Variants in SFMBT2 observed in about 807,000 individuals in gnomAD.
The protein encoded by SFMBT2 is Scm like with four mbt domains 2.
Under a neutral mutation model 110.1 loss-of-function variants are expected in SFMBT2, and 38 were observed. The ratio of observed to expected loss-of-function variants is 0.35; its 90% confidence interval spans 0.27 to 0.45. The LOEUF (loss-of-function observed/expected upper bound fraction) is 0.45, where lower values mean the gene tolerates loss of function less well. Among genes scored for constraint, SFMBT2 ranks in the 20% least tolerant of loss-of-function variants. SFMBT2 has a pLI of 1.00. For synonymous variants in SFMBT2, 425 were observed against 425.4 expected (o/e 1.00, Z 0.01); for missense variants, 1,011 against 1,094.9 (o/e 0.92, Z 1.08).
At chr10:7,175,797 C>T (rs1370915584) in intron 17 of SFMBT2, among the ~76,000 whole-genome samples, 193 bp downstream of exon 17, 1 of 152,160 alleles carries the variant, frequency 6.6e-6, no homozygotes, top group Non-Finnish European at 1.5e-5. Flanking sequence ...TCATCCCATC[C>T]CCTCCGTATG....
At position 7,171,799 on chromosome 10, in the gene SFMBT2, T is replaced by G; in HGVS notation, c.2415+96A>C. 1 of 1,254,246 alleles carries G rather than the reference T, an allele frequency of 8.0e-7. No homozygotes were observed. The highest frequency in any genetic ancestry group is 1.0e-6 in the Non-Finnish European group (1 of 974,650). The allele number at this position is 1,254,246 out of a possible 1,614,324, so 77.7% of individuals were successfully genotyped here. A position where few individuals can be genotyped will look rare whatever the true frequency, so the allele number is the denominator to read the frequency against. On this transcript the variant is annotated intron_variant, in intron 19 of 20. Transcript: ENST00000397167. This position sits in a 1 kb window ranked among gnomAD's most constrained non-coding sequence, Gnocchi z 4.9. ...GAGCAGCTGCTGCTGTTGGAGGTAT[T>G]TTAAACAGGTTTCCCCACATCGTGG...
chr10:7,277,805 A>C (rs1253361625), intron 6 of SFMBT2, among the ~76,000 whole-genome samples: 1 of 152,254 alleles, frequency 6.6e-6, no homozygotes, highest in African/African-American at 2.4e-5. Context: ...AGGCTACTTC[A>C]GACAGACGCT....
intron 4 of SFMBT2, among the ~76,000 whole-genome samples, chr10:7,310,391 G>C (rs978867176): frequency 6.6e-6 from 1 of 152,184 alleles, no homozygotes; most frequent in Non-Finnish European, 1.5e-5. Context: ...AGTGCACCCC[G>C]TGCCCAAGGC....
chr10:7,371,223 A>C (rs2132058919), intron 2 of SFMBT2, among the ~76,000 whole-genome samples: 1 of 152,238 alleles, frequency 6.6e-6, no homozygotes, highest in East Asian at 1.9e-4. Flanking sequence ...TCCTGGGTTC[A>C]AGCAATTCTC....
chr10:7,212,626 A>G (rs928539204), intron 11 of SFMBT2, among the ~76,000 whole-genome samples: 5 of 152,194 alleles, frequency 3.3e-5, no homozygotes, highest in African/African-American at 7.2e-5. Context: ...CTTACACTCT[A>G]TCGATGTTCA....
At chr10:7,284,296 C>T (rs1402263355) in intron 5 of SFMBT2, 146 bp from the exon 6 acceptor site, 1 of 1,446,038 alleles carries the variant, frequency 6.9e-7, no homozygotes, top group Non-Finnish European at 9.1e-7. Context: ...CCATCCTTGC[C>T]CAGCCCATGC....
chr10:7,324,272 G>T (rs1003037135), intron 4 of SFMBT2, among the ~76,000 whole-genome samples: 1 of 152,166 alleles, frequency 6.6e-6, no homozygotes, highest in East Asian at 1.9e-4. Context: ...TTTCTAGTAT[G>T]TTTGTGGGAA....
At chr10:7,282,706 T>C (rs888190561) in intron 6 of SFMBT2, among the ~76,000 whole-genome samples, 1 of 152,164 alleles carries the variant, frequency 6.6e-6, no homozygotes, top group African/African-American at 2.4e-5. Flanking sequence ...CCAGGAAGTG[T>C]TTTCAATTAG....
At chr10:7,204,874 TAAA>T in intron 12 of SFMBT2, 1 of 695,780 alleles carries the variant, frequency 1.4e-6, no homozygotes, top group Non-Finnish European at 1.8e-6. Flanking sequence ...ACTCCATCTT[TAAA>T]AAAAAAAAAA....
intron 10 of SFMBT2, among the ~76,000 whole-genome samples, chr10:7,227,184 GA>G (rs1322742241): frequency 3.3e-5 from 5 of 152,204 alleles, no homozygotes; most frequent in Admixed American, 3.3e-4. Context: ...GGACATCAAA[GA>G]AAGTATTAAA....
At chr10:7,397,285 T>C (rs1845952384) in intron 1 of SFMBT2, among the ~76,000 whole-genome samples, 1 of 151,962 alleles carries the variant, frequency 6.6e-6, no homozygotes, top group Non-Finnish European at 1.5e-5. Flanking sequence ...TCCAAGAAAA[T>C]GGCATTTGTG....
intron 1 of SFMBT2, among the ~76,000 whole-genome samples, chr10:7,405,821 T>TCC (rs1846193864): frequency 9.1e-6 from 1 of 110,156 alleles, no homozygotes; most frequent in Non-Finnish European, 2.1e-5. Flanking sequence ...CTAGGCCCGA[T>TCC]TCCCCCCCCG....
At chr10:7,338,902 G>A (rs1843803328) in intron 4 of SFMBT2, among the ~76,000 whole-genome samples, 1 of 152,138 alleles carries the variant, frequency 6.6e-6, no homozygotes, top group Non-Finnish European at 1.5e-5. Flanking sequence ...AATGTCTGCT[G>A]TTCAGGTACA....
chr10:7,220,383 G>T, intron 11 of SFMBT2, 28 bp downstream of exon 11: 1 of 1,605,800 alleles, frequency 6.2e-7, no homozygotes, highest in Non-Finnish European at 8.5e-7. Context: ...ATTCCCCCCA[G>T]CGACTGCTAC....
At chr10:7,349,403 C>T (rs1001058435) in intron 4 of SFMBT2, among the ~76,000 whole-genome samples, 14 of 142,744 alleles carry the variant, frequency 9.8e-5, no homozygotes, top group Non-Finnish European at 2.0e-4. Flanking sequence ...TTTGGATCCT[C>T]TCACTTTCAA....
At chr10:7,196,199 G>A (rs1487302777) in intron 15 of SFMBT2, among the ~76,000 whole-genome samples, 1 of 152,074 alleles carries the variant, frequency 6.6e-6, no homozygotes, top group East Asian at 1.9e-4. Flanking sequence ...ATCAGAGAAG[G>A]CCTTTCACAA....
chr10:7,277,961 C>T (rs1841835475), intron 6 of SFMBT2, among the ~76,000 whole-genome samples: 1 of 152,198 alleles, frequency 6.6e-6, no homozygotes, highest in African/African-American at 2.4e-5. Context: ...GAGCTTTAAG[C>T]CCCTGTTTCC....
Position 7,234,773 on chromosome 10 carries a change from G to C in SFMBT2, c.1121-6836C>G, listed in dbSNP as rs111622543. Among the ~76,000 whole-genome samples the C allele has an allele frequency of 4.3e-3, 637 of 146,890 alleles. 4 individuals are homozygous for C. Among genetic ancestry groups the C allele is most frequent in the South Asian group, 0.015 (65 of 4,394 alleles). On this transcript the variant is annotated intron_variant, in intron 9 of 20. Coordinates refer to ENST00000397167, the MANE Select transcript of SFMBT2 (RefSeq NM_001387889.1). ...AAGTCAAAAGAGAAGAAAATCTCCAGACACCAAAAAAAAAGTAAAAAATAA... is the reference window on the plus strand; with the variant it reads ...AAGTCAAAAGAGAAGAAAATCTCCACACACCAAAAAAAAAGTAAAAAATAA...
chr10:7,329,449 G>A (rs778618222), intron 4 of SFMBT2: 140 of 985,338 alleles, frequency 1.4e-4, no homozygotes, highest in Middle Eastern at 5.2e-4. Context: ...CAAAAGCGGT[G>A]AGGGAACTGA....
Sources: allele counts gnomAD v4.1 joint callset (sites outside exome capture counted in the v4.1 genomes callset), GRCh38; gene constraint gnomAD v4.1.1; non-coding constraint Gnocchi (gnomAD v3.1); transcripts MANE v1.5; gene names NCBI Gene and HGNC (gene_info 2026-07-23, HGNC 2026-07-21).